The following ELMOD1 variants were observed in gnomAD, a reference collection of about 807,000 sequenced individuals.
ELMOD1 encodes the protein ELMO domain containing 1, also known as ELMO domain-containing protein 1.
A neutral mutation model predicts 46.7 loss-of-function variants in ELMOD1; 21 were observed. The observed-to-expected ratio is 0.45, with a 90% CI of 0.32 to 0.65. The LOEUF is 0.65. Among genes scored for constraint, ELMOD1 ranks in the 30% least tolerant of loss-of-function variants. ELMOD1 has a pLI of 0.04. For missense variants in ELMOD1, 348 were observed against 407.8 expected (o/e 0.85, Z 1.26); for synonymous variants, 122 against 138.2 (o/e 0.88, Z 0.82).
At chr11:107,661,114 T>C (rs991817976) in intron 11 of ELMOD1, among the ~76,000 whole-genome samples, 1 of 152,204 alleles carries the variant, frequency 6.6e-6, no homozygotes, top group African/African-American at 2.4e-5. Context: ...AGTCTTTACT[T>C]ATTTTCCTGA....
At chr11:107,603,431 A>G (rs927208260) in intron 1 of ELMOD1, among the ~76,000 whole-genome samples, 3 of 152,058 alleles carry the variant, frequency 2.0e-5, no homozygotes, top group Non-Finnish European at 2.9e-5. Flanking sequence ...CCCAGCTACT[A>G]GGGAGGCTGA....
rs1349287023 is a variant in ELMOD1 at position 107,665,009 on chromosome 11, G to T, written c.833-16G>T. ...TTTTTTCTCCTGCATTCTTATCATT[G>T]TATTGTCTCCAACAGGCTATTTGAT... is the stretch of plus-strand genomic sequence containing the variant. On this transcript the variant is annotated splice_polypyrimidine_tract_variant and intron_variant, in intron 11 of 11. Coordinates refer to ENST00000265840, the MANE Select transcript of ELMOD1 (RefSeq NM_018712.4). 3 of 1,600,720 alleles carry T rather than the reference G, an allele frequency of 1.9e-6. No individual in the cohort carries two copies. The highest frequency in any genetic ancestry group is 1.7e-5 in the Admixed American group (1 of 58,062).
chr11:107,641,331 A>C lies in ELMOD1; in HGVS notation c.420+5566A>C, dbSNP rs888088204. On this transcript the variant is annotated intron_variant, in intron 6 of 11. Transcript: ENST00000265840. ...AAAAAAAATAAGTATATATATATAT[A>C]TATCTCTAACAGGAAGAATCAAACT... 2.7e-3 allele frequency among the ~76,000 whole-genome samples: 396 copies of C among 148,900 alleles called. 2 individuals carry two copies. The highest frequency in any genetic ancestry group is 9.5e-3 in the African/African-American group (377 of 39,504).
chr11:107,661,893 A>AT lies in ELMOD1; in HGVS notation c.833-3131dup, dbSNP rs1866745636. Among the ~76,000 whole-genome samples, 3 of 152,324 alleles carry AT rather than the reference A, an allele frequency of 2.0e-5. No individual in the cohort carries two copies. In the South Asian group the frequency reaches 6.2e-4, roughly 32 times the overall value. On this transcript the variant is annotated intron_variant, in intron 11 of 11. Transcript: ENST00000265840. ...TGATTGAATTCTTTTGGTTGGTTGA[A>AT]TAAGATACTGAGATCAGAGGAAACA...
intron 1 of ELMOD1, among the ~76,000 whole-genome samples, chr11:107,603,563 A>G (rs1343567015): frequency 4.0e-5 from 6 of 151,744 alleles, no homozygotes; most frequent in Non-Finnish European, 8.8e-5. Flanking sequence ...AACAACAACA[A>G]CAACAAAACC....
chr11:107,664,070 C>T (rs1866793429), intron 11 of ELMOD1, among the ~76,000 whole-genome samples: 1 of 152,136 alleles, frequency 6.6e-6, no homozygotes, highest in Non-Finnish European at 1.5e-5. Context: ...ATTGCAGCCT[C>T]GACCTCCTGA....
chr11:107,654,100 A>T, intron 9 of ELMOD1, 72 bp from the exon 10 acceptor site: 1 of 1,251,928 alleles, frequency 8.0e-7, no homozygotes, highest in Non-Finnish European at 1.1e-6. Flanking sequence ...GTTTTAACAT[A>T]AGCATTAAAA....
intron 1 of ELMOD1, among the ~76,000 whole-genome samples, chr11:107,610,654 T>A (rs1306352943): frequency 5.6e-5 from 8 of 143,198 alleles, no homozygotes; most frequent in Non-Finnish European, 1.2e-4. Context: ...CAGGGTGAGA[T>A]CCTATCTAAA....
At chr11:107,625,582 G>T in intron 2 of ELMOD1, 1 of 984,812 alleles carries the variant, frequency 1.0e-6, no homozygotes, top group South Asian at 4.7e-5. Flanking sequence ...GGTTTTAGGC[G>T]CATTTCCTGT....
intron 1 of ELMOD1, among the ~76,000 whole-genome samples, chr11:107,594,848 T>C (rs1483418884): frequency 6.6e-6 from 1 of 152,196 alleles, no homozygotes; most frequent in Non-Finnish European, 1.5e-5. Flanking sequence ...GGAAAGAGTG[T>C]ACATTTTACA....
chr11:107,642,344 A>G (rs1224811048), intron 6 of ELMOD1, among the ~76,000 whole-genome samples: 1 of 151,952 alleles, frequency 6.6e-6, no homozygotes, highest in Non-Finnish European at 1.5e-5. Flanking sequence ...ATTAACAGAC[A>G]TTATAAACAG....
chr11:107,663,183 G>A (rs574649689), intron 11 of ELMOD1, among the ~76,000 whole-genome samples: 31 of 152,244 alleles, frequency 2.0e-4, no homozygotes, highest in Admixed American at 4.6e-4. Flanking sequence ...GATACTTCCC[G>A]ATTTGGGCCT....
At chr11:107,618,334 C>T in intron 2 of ELMOD1, 128 bp downstream of exon 2, 1 of 1,096,900 alleles carries the variant, frequency 9.1e-7, no homozygotes, top group Admixed American at 2.0e-5. Context: ...TGAAATAGCA[C>T]TGCATTTTTG....
intron 6 of ELMOD1, among the ~76,000 whole-genome samples, chr11:107,639,373 C>T (rs1391003320): frequency 6.6e-6 from 1 of 152,122 alleles, no homozygotes; most frequent in Non-Finnish European, 1.5e-5. Flanking sequence ...AATAATATCA[C>T]TGTCCATATG....
rs573956493 is a variant in ELMOD1 at position 107,642,414 on chromosome 11, G to T, written c.421-5054G>T. 8.0e-4 allele frequency among the ~76,000 whole-genome samples: 121 copies of T among 151,848 alleles called. 2 individuals are homozygous for T. The South Asian group carries it at 0.024, about 31-fold the overall frequency. On this transcript the variant is annotated intron_variant, in intron 6 of 11. Coordinates refer to ENST00000265840, the MANE Select transcript of ELMOD1 (RefSeq NM_018712.4). ...GATGGAGTCTCACTCTGTCACCCAG[G>T]CTGGAGTGCAGTGGCACGATCTCGG...
At chr11:107,611,130 G>A (rs1041381796) in intron 1 of ELMOD1, among the ~76,000 whole-genome samples, 14 of 151,524 alleles carry the variant, frequency 9.2e-5, no homozygotes, top group African/African-American at 3.2e-4. Context: ...CTTAATTAAA[G>A]AGCTTCTACA....
At position 107,631,765 on chromosome 11, in the gene ELMOD1, T is replaced by C. The variant is rs1331926867; in HGVS notation, c.290+88T>C. On this transcript the variant is annotated intron_variant, in intron 5 of 11. Transcript: ENST00000265840. ...TTTCTCTGTCTCCTCTCTTTTTTTTTCTCCCTCTCTCCCTAAAATAATCAT... is the reference window on the plus strand; with the variant it reads ...TTTCTCTGTCTCCTCTCTTTTTTTTCCTCCCTCTCTCCCTAAAATAATCAT... 5 of 602,416 alleles carry C rather than the reference T, an allele frequency of 8.3e-6. No homozygotes were observed. In the East Asian group the frequency reaches 1.3e-4, roughly 16 times the overall value. 37.3% of individuals were successfully genotyped at this position (602,416 alleles called of 1,614,324 possible). A position where few individuals can be genotyped will look rare whatever the true frequency, so the allele number is the denominator to read the frequency against.
intron 9 of ELMOD1, among the ~76,000 whole-genome samples, chr11:107,652,808 C>T (rs1401553298): frequency 6.6e-6 from 1 of 152,102 alleles, no homozygotes. Flanking sequence ...ATAGAAAGTA[C>T]ACATTGTTAA....
At chr11:107,607,691 T>G (rs1482348473) in intron 1 of ELMOD1, among the ~76,000 whole-genome samples, 2 of 151,746 alleles carry the variant, frequency 1.3e-5, no homozygotes, top group Non-Finnish European at 2.9e-5. Context: ...AAACAAGATA[T>G]AGGACAAATG....
Sources: allele counts gnomAD v4.1 joint callset (sites outside exome capture counted in the v4.1 genomes callset), GRCh38; gene constraint gnomAD v4.1.1; transcripts MANE v1.5; gene names NCBI Gene and HGNC (gene_info 2026-07-23, HGNC 2026-07-21).